LIMCH1: variants seen among roughly 807,000 people sequenced by gnomAD.
LIMCH1 encodes the protein LIM and calponin homology domains 1.
In LIMCH1, 113 loss-of-function variants were observed where a neutral mutation model predicts 176.5. The ratio of observed to expected loss-of-function variants is 0.64; its 90% CI spans 0.55 to 0.75. The LOEUF is 0.75. Ranked by LOEUF, LIMCH1 falls within the 30% of genes least tolerant of loss-of-function variation. LIMCH1 has a pLI of 0.00. For synonymous variants in LIMCH1, 619 were observed against 645.9 expected (o/e 0.96, Z 0.63); for missense variants, 1,674 against 1,814.9 (o/e 0.92, Z 1.41).
intron 1 of LIMCH1, among the ~76,000 whole-genome samples, chr4:41,489,880 C>T (rs1365917970): frequency 6.6e-6 from 1 of 151,826 alleles, no homozygotes; most frequent in East Asian, 1.9e-4. Context: ...TGATCAGAAG[C>T]CTTATCAATA....
At chr4:41,363,992 C>G (rs955239523) in intron 1 of LIMCH1, among the ~76,000 whole-genome samples, 3 of 152,124 alleles carry the variant, frequency 2.0e-5, no homozygotes, top group African/African-American at 4.8e-5. Flanking sequence ...GAGGTCAGAC[C>G]TTGGAGCTGG....
chr4:41,412,670 G>T (rs2059596537), intron 1 of LIMCH1, among the ~76,000 whole-genome samples: 1 of 152,144 alleles, frequency 6.6e-6, no homozygotes, highest in Admixed American at 6.5e-5. Context: ...TGCTTTATAG[G>T]TGGGGAAATG....
chr4:41,693,085 AT>A (rs1727550372), intron 31 of LIMCH1: 2 of 152,306 alleles, frequency 1.3e-5, no homozygotes, highest in South Asian at 4.2e-4. Context: ...TGTTTAGAAA[AT>A]CTGAAAATGG....
chr4:41,570,198 T>C (rs1017744950), intron 1 of LIMCH1, among the ~76,000 whole-genome samples: 1 of 152,170 alleles, frequency 6.6e-6, no homozygotes, highest in Non-Finnish European at 1.5e-5. Flanking sequence ...CTGCTGAAAA[T>C]AGTAAGCCTG....
intron 1 of LIMCH1, among the ~76,000 whole-genome samples, chr4:41,476,490 G>A (rs986968957): frequency 6.6e-5 from 10 of 152,166 alleles, no homozygotes; most frequent in Non-Finnish European, 1.0e-4. Flanking sequence ...TGCCTCTGGC[G>A]GGGCAACACC....
intron 1 of LIMCH1, among the ~76,000 whole-genome samples, chr4:41,548,966 T>C (rs2079994098): frequency 6.6e-6 from 1 of 152,166 alleles, no homozygotes; most frequent in African/African-American, 2.4e-5. Context: ...GTCTCATTTG[T>C]GGAGTGAAAG....
chr4:41,693,501 T>G (rs549372359), intron 31 of LIMCH1, among the ~76,000 whole-genome samples: 67 of 151,596 alleles, frequency 4.4e-4, no homozygotes, highest in African/African-American at 1.6e-3. Flanking sequence ...GCCGCTGCTA[T>G]CAAACTGGAC....
chr4:41,470,394 A>G (rs2066775270), intron 1 of LIMCH1, among the ~76,000 whole-genome samples: 1 of 152,056 alleles, frequency 6.6e-6, no homozygotes, highest in African/African-American at 2.4e-5. Flanking sequence ...CCATTCAGAG[A>G]TTTGCTCTTT....
intron 1 of LIMCH1, among the ~76,000 whole-genome samples, chr4:41,451,901 A>G (rs2063933515): frequency 1.3e-5 from 2 of 152,164 alleles, no homozygotes; most frequent in Middle Eastern, 6.8e-3. Context: ...CCTTTTTTCC[A>G]GATGTCTCCA....
At chr4:41,651,970 G>C (rs895552274) in intron 18 of LIMCH1, among the ~76,000 whole-genome samples, 2 of 152,136 alleles carry the variant, frequency 1.3e-5, no homozygotes, top group Non-Finnish European at 2.9e-5. Context: ...CCCTGCTTTC[G>C]GGGTACGGGC....
At chr4:41,561,811 C>T (rs1427443476) in intron 1 of LIMCH1, among the ~76,000 whole-genome samples, 1 of 152,158 alleles carries the variant, frequency 6.6e-6, no homozygotes, top group Non-Finnish European at 1.5e-5. Context: ...CAATTCTATT[C>T]TTTATGCCTC....
chr4:41,526,621 G>C (rs2076684836), intron 3 of LIMCH1, among the ~76,000 whole-genome samples: 1 of 152,078 alleles, frequency 6.6e-6, no homozygotes, highest in African/African-American at 2.4e-5. Flanking sequence ...CATGACTTCA[G>C]CTCTCCATGA....
At chr4:41,585,295 C>T (rs772134392) in intron 1 of LIMCH1, among the ~76,000 whole-genome samples, 30 of 152,290 alleles carry the variant, frequency 2.0e-4, no homozygotes, top group Non-Finnish European at 8.8e-5. Flanking sequence ...AAGTGGAATC[C>T]TGCAATATCT....
At chr4:41,606,715 C>T (rs2090761501) in intron 4 of LIMCH1, among the ~76,000 whole-genome samples, 1 of 152,152 alleles carries the variant, frequency 6.6e-6, no homozygotes, top group Non-Finnish European at 1.5e-5. Context: ...ATGGCTAGTA[C>T]ATAGTGTTAC....
intron 26 of LIMCH1, among the ~76,000 whole-genome samples, chr4:41,683,335 G>T (rs866378866): frequency 6.6e-6 from 1 of 152,116 alleles, no homozygotes; most frequent in African/African-American, 2.4e-5. Flanking sequence ...CTCAAAACTA[G>T]CTCATACTGG....
chr4:41,394,518 C>T (rs1038233666), intron 1 of LIMCH1, among the ~76,000 whole-genome samples: 4 of 152,092 alleles, frequency 2.6e-5, no homozygotes, highest in Admixed American at 6.5e-5. Context: ...TACTCTGGGG[C>T]TTGGTATTTA....
chr4:41,452,420 G>A (rs1299541874), intron 1 of LIMCH1, among the ~76,000 whole-genome samples: 1 of 152,194 alleles, frequency 6.6e-6, no homozygotes, highest in African/African-American at 2.4e-5. Context: ...AAGTCCCTGT[G>A]TGAGAGGTGG....
chr4:41,539,367 A>C (rs2152468282), intron 1 of LIMCH1, among the ~76,000 whole-genome samples: 1 of 152,232 alleles, frequency 6.6e-6, no homozygotes, highest in East Asian at 1.9e-4. Flanking sequence ...GCACAAGGTG[A>C]AGGTCAAATA....
intron 3 of LIMCH1, among the ~76,000 whole-genome samples, chr4:41,525,141 G>A (rs778620983): frequency 2.6e-5 from 4 of 152,118 alleles, no homozygotes; most frequent in African/African-American, 7.2e-5. Flanking sequence ...TTGCTTCATC[G>A]ATGTTGCCTT....
Sources: allele counts gnomAD v4.1 joint callset (sites outside exome capture counted in the v4.1 genomes callset), GRCh38; gene constraint gnomAD v4.1.1; transcripts MANE v1.5; gene names NCBI Gene and HGNC (gene_info 2026-07-23, HGNC 2026-07-21).